Variants in BAZ2A observed in about 807,000 individuals in gnomAD.
BAZ2A encodes bromodomain adjacent to zinc finger domain protein 2A.
BAZ2A carries 34 observed loss-of-function variants against 199.9 expected under a neutral mutation model. The observed-to-expected ratio is 0.17, with a 90% confidence interval of 0.13 to 0.23. The LOEUF (loss-of-function observed/expected upper bound fraction) is 0.23, where lower values mean the gene tolerates loss of function less well. BAZ2A is among the 10% of genes least tolerant of loss of function. The probability of loss-of-function intolerance (pLI) is 1.00; values close to 1 mark genes in which losing one functional copy is unlikely to be tolerated. For missense variants in BAZ2A, 2,002 were observed against 2,391.1 expected (o/e 0.84, Z 3.39); for synonymous variants, 857 against 883.9 (o/e 0.97, Z 0.54).
intron 1 of BAZ2A, chr12:56,636,168 G>A (rs1403117359): frequency 6.3e-7 from 1 of 1,592,136 alleles, no homozygotes; most frequent in Non-Finnish European, 8.6e-7. Context: ...CCCGGGGCTG[G>A]TCCCCATACT....
chr12:56,622,922 G>A (rs953237889), intron 1 of BAZ2A, among the ~76,000 whole-genome samples: 3 of 152,150 alleles, frequency 2.0e-5, no homozygotes, highest in Admixed American at 2.0e-4. Flanking sequence ...GCTACTCTGT[G>A]GGCCTGTGAC....
At chr12:56,621,273 C>G in intron 1 of BAZ2A, 3 of 984,816 alleles carry the variant, frequency 3.0e-6, no homozygotes, top group Non-Finnish European at 3.6e-6. Flanking sequence ...CACAGCATAT[C>G]CTGTTTTTGT....
In BAZ2A at chr12:56,602,035, C is replaced by A. The variant is rs894184080; in HGVS notation, c.3582G>T (p.Lys1194Asn). ...GATGCCTAGGTTGCATAGACCCGGG[C>A]TTAGTTTTTCGAGGTCGGCCTCGGG... is the stretch of plus-strand genomic sequence containing the variant. ...ARARGRPRKTKPGSMQPRHLK... is the reference protein window; with the variant it reads ...ARARGRPRKTNPGSMQPRHLK... Residue 1194 changes from lysine (K) to asparagine (N), a missense_variant, in exon 20 of 29, where the codon AAG (lysine) becomes AAT (asparagine). Coordinates refer to ENST00000549884, the MANE Select transcript of BAZ2A (RefSeq NM_001300905.2). 5.1e-6 allele frequency: 8 copies of A among 1,554,850 alleles called. No individual in the cohort carries two copies. The highest frequency in any genetic ancestry group is 1.4e-5 in the African/African-American group (1 of 73,180).
rs1950289299 is a variant in BAZ2A at position 56,604,711 on chromosome 12, T to C, written c.2837A>G (p.Tyr946Cys). The change falls in exon 15 of 29, where the codon TAT becomes TGT. Residue 946 changes from tyrosine (Y) to cysteine (C), a missense_variant. By Grantham distance (194) the Tyr-to-Cys change is radical. Transcript: ENST00000549884. Reference sequence around the variant, plus strand: ...GTCACAGAGGGCTGGCTCTACTCCATATGCCATAAGGAAGCAGCGCAGGAT... The same window carrying C: ...GTCACAGAGGGCTGGCTCTACTCCACATGCCATAAGGAAGCAGCGCAGGAT... The part of the protein sequence containing the change: ...SEILRCFLMA[Y>C]GVEPALCDRL... The C allele has an allele frequency of 6.2e-7, 1 of 1,613,792 alleles. No individual in the cohort carries two copies. Among genetic ancestry groups the C allele is most frequent in the Non-Finnish European group, 8.5e-7 (1 of 1,179,820 alleles).
In BAZ2A at chr12:56,601,026, C is replaced by T. The variant is rs1006050937; in HGVS notation, c.4367G>A (p.Arg1456Gln). The change falls in exon 22 of 29, where the codon CGA (arginine) becomes CAA (glutamine). Residue 1456 changes from arginine to glutamine, a missense_variant. By Grantham distance (43) the Arg-to-Gln change is conservative. Transcript: ENST00000549884. ...GTGAAGTGCCTTCTCCCGGATACCT[C>T]GGGGGTGTAGGGCCTTGAGCATGGC... ...LDAMLKALHP[R>Q]GIREKALHKH... 4 of 1,610,234 alleles carry T rather than the reference C, an allele frequency of 2.5e-6. No homozygotes were observed. The highest frequency in any genetic ancestry group is 1.3e-5 in the African/African-American group (1 of 74,886).
intron 1 of BAZ2A, among the ~76,000 whole-genome samples, chr12:56,624,026 C>T (rs1319152557): frequency 2.6e-5 from 4 of 151,594 alleles, no homozygotes; most frequent in Admixed American, 6.6e-5. Context: ...AGCAGGATCA[C>T]TTGAGGCCAG....
In BAZ2A at chr12:56,601,581, T is replaced by G. The variant is rs762157672; in HGVS notation, c.4036A>C (p.Thr1346Pro). 8 of 1,611,996 alleles carry G rather than the reference T, an allele frequency of 5.0e-6. No homozygotes were observed. The highest frequency in any genetic ancestry group is 1.1e-5 in the South Asian group (1 of 90,990). Residue 1346 changes from threonine to proline, a missense_variant, in exon 20 of 29, where the codon ACT becomes CCT. By Grantham distance (38) the Thr-to-Pro change is conservative. This residue lies in a region of BAZ2A where 1,081 missense variants were observed against 1,274.7 expected (regional missense o/e 0.85). Coordinates refer to ENST00000549884, the MANE Select transcript of BAZ2A (RefSeq NM_001300905.2). ...PPPAVSEDQP[T>P]PSPQQLASSK... ...GAGGCAAGCTGCTGAGGGGAGGGAG[T>G]GGGTTGGTCCTCAGAAACTGCAGGG...
chr12:56,613,207 T>C lies in BAZ2A; in HGVS notation c.943A>G (p.Ile315Val), dbSNP rs374485358. 1.2e-6 allele frequency: 2 copies of C among 1,613,868 alleles called. No homozygotes were observed. The highest frequency in any genetic ancestry group is 2.7e-5 in the African/African-American group (2 of 74,904). ...GCACCCATCAGCTCCGTGTCATCAA[T>C]ACCATATAGTCCTCCACTCACTGGC... ...PEPVSGGLYG[I>V]DDTELMGAED... The change falls in exon 5 of 29, where the codon ATT becomes GTT. Residue 315 changes from isoleucine to valine, a missense_variant. By Grantham distance (29) the Ile-to-Val change is conservative. Coordinates refer to ENST00000549884, the MANE Select transcript of BAZ2A (RefSeq NM_001300905.2).
At chr12:56,636,176 A>T (rs1448711545) in intron 1 of BAZ2A, 2 of 1,594,062 alleles carry the variant, frequency 1.3e-6, no homozygotes, top group Non-Finnish European at 1.7e-6. Context: ...TGGTCCCCAT[A>T]CTCACCCATG....
In BAZ2A at chr12:56,598,931, T is replaced by A. The variant is rs1399952173; in HGVS notation, c.5483A>T (p.Tyr1828Phe). Residue 1828 changes from tyrosine (Y) to phenylalanine (F), a missense_variant, in exon 28 of 29, where the codon TAC becomes TTC. Coordinates refer to ENST00000549884, the MANE Select transcript of BAZ2A (RefSeq NM_001300905.2). ...CATAGGATTTTTGATGATGCGCCGG[T>A]ACCCACTCACCAAACGTGGGTTCAC... ...EPVNPRLVSG[Y>F]RRIIKNPMDF... The A allele has an allele frequency of 6.2e-7, 1 of 1,607,604 alleles. No individual in the cohort carries two copies. Among genetic ancestry groups the A allele is most frequent in the Non-Finnish European group, 8.5e-7 (1 of 1,177,082 alleles).
At chr12:56,615,934 T>G (rs1950705951) in intron 2 of BAZ2A, among the ~76,000 whole-genome samples, 1 of 152,150 alleles carries the variant, frequency 6.6e-6, no homozygotes, top group South Asian at 2.1e-4. Flanking sequence ...AGACGGAATC[T>G]CGCTATGTCA....
chr12:56,596,083 TAGAA>T lies in BAZ2A; in HGVS notation c.*2531_*2534del, dbSNP rs768888513. ...AAAAATGAGATTGGTCCTAAAAATA[TAGAA>T]AGAAATAAATTTAAATTCACAAAAA... On this transcript the variant is annotated 3_prime_UTR_variant, in exon 29 of 29. Transcript: ENST00000549884. The T allele has an allele frequency of 6.5e-6, 1 of 152,708 alleles. No individual in the cohort carries two copies. The highest frequency in any genetic ancestry group is 1.5e-5 in the Non-Finnish European group (1 of 68,046). The allele number at this position is 152,708 out of a possible 1,614,324, so 9.5% of individuals were successfully genotyped here.
chr12:56,630,474 C>G (rs1951278255), upstream of BAZ2A: 1 of 200,120 alleles, frequency 5.0e-6, no homozygotes, highest in Non-Finnish European at 8.9e-6. Flanking sequence ...ACTCTGGCCA[C>G]CTTGCCCACC....
chr12:56,628,461 G>A (rs893199092), intron 1 of BAZ2A, among the ~76,000 whole-genome samples: 3 of 152,056 alleles, frequency 2.0e-5, no homozygotes, highest in Non-Finnish European at 4.4e-5. Context: ...GTTCTTTTAT[G>A]GATTAAAGAG....
chr12:56,601,937 G>C lies in BAZ2A; in HGVS notation c.3680C>G (p.Ala1227Gly). The change falls in exon 20 of 29, where the codon GCT becomes GGT. Residue 1227 changes from alanine (A) to glycine (G), a missense_variant. Physicochemically the swap from Ala to Gly is moderately conservative, Grantham distance 60. This residue lies in a region of BAZ2A where 1,081 missense variants were observed against 1,274.7 expected (regional missense o/e 0.85). Coordinates refer to ENST00000549884, the MANE Select transcript of BAZ2A (RefSeq NM_001300905.2). ...AQLQPEAQLH[A>G]PAQPQPQLQL... ...AAGCTGAGGCTGGGGCTGGGCAGGA[G>C]CATGAAGCTGAGCCTCAGGCTGAAG... 6.3e-7 allele frequency: 1 copy of C among 1,578,826 alleles called. No individual in the cohort carries two copies. Among genetic ancestry groups the C allele is most frequent in the Non-Finnish European group, 8.6e-7 (1 of 1,162,066 alleles).
chr12:56,601,443 A>C, intron 20 of BAZ2A, 41 bp from the exon 21 acceptor site: 1 of 1,597,102 alleles, frequency 6.3e-7, no homozygotes, highest in Non-Finnish European at 8.5e-7. Context: ...GGATGTTTTC[A>C]TGTTTATAGG....
chr12:56,622,044 G>A (rs559455752), intron 1 of BAZ2A, among the ~76,000 whole-genome samples: 1 of 150,312 alleles, frequency 6.7e-6, no homozygotes, highest in Non-Finnish European at 1.5e-5. Context: ...TTTTCAAAAA[G>A]ATAATCAGGC....
At chr12:56,606,582 T>TA in intron 11 of BAZ2A, 51 bp downstream of exon 11, 3 of 1,516,966 alleles carry the variant, frequency 2.0e-6, no homozygotes, top group Non-Finnish European at 2.7e-6. Flanking sequence ...AAAGATGAAG[T>TA]AAGTTGTAGG....
chr12:56,600,112 G>C lies in BAZ2A; in HGVS notation c.4893-16C>G. 1.9e-6 allele frequency: 3 copies of C among 1,613,758 alleles called. No individual in the cohort carries two copies. The highest frequency in any genetic ancestry group is 2.5e-6 in the Non-Finnish European group (3 of 1,179,666). ...CTCATATGATCTGGAGGGAGAAAGT[G>C]GTGATCTTTGGAGAAGGAGCGGATC... is the stretch of plus-strand genomic sequence containing the variant. On this transcript the variant is annotated splice_polypyrimidine_tract_variant and intron_variant, in intron 24 of 28. Coordinates refer to ENST00000549884, the MANE Select transcript of BAZ2A (RefSeq NM_001300905.2).
Sources: gnomAD v4.1 joint callset for allele counts (sites outside exome capture counted in the v4.1 genomes callset) on GRCh38, gnomAD v4.1.1 for gene constraint, gnomAD v4.1.1 regional missense constraint, MANE v1.5 for transcripts, NCBI Gene and HGNC (gene_info 2026-07-23, HGNC 2026-07-21) for gene names.